The following IFT80 variants were observed in gnomAD, a reference collection of about 807,000 sequenced individuals.
The protein encoded by IFT80 is intraflagellar transport 80.
IFT80 carries 79 observed loss-of-function variants against 107.9 expected under a neutral mutation model. The ratio of observed to expected loss-of-function variants is 0.73; its 90% CI spans 0.61 to 0.88. IFT80 has a LOEUF of 0.88. Among genes scored for constraint, IFT80 ranks in the 40% least tolerant of loss-of-function variants. IFT80 has a pLI of 0.00. For missense variants in IFT80, 797 were observed against 914.2 expected (o/e 0.87, Z 1.65); for synonymous variants, 299 against 300.9 (o/e 0.99, Z 0.07).
At chr3:160,364,461 A>T (rs1721718848) in intron 6 of IFT80, among the ~76,000 whole-genome samples, 1 of 152,214 alleles carries the variant, frequency 6.6e-6, no homozygotes, top group Non-Finnish European at 1.5e-5. Flanking sequence ...TCAAGGATGT[A>T]GAACTAGAAA....
chr3:160,297,969 G>A lies in IFT80; in HGVS notation c.1315+2914C>T, dbSNP rs80173579. Among the ~76,000 whole-genome samples, 552 of 152,176 alleles carry A rather than the reference G, an allele frequency of 3.6e-3. 3 individuals are homozygous for A. The highest frequency in any genetic ancestry group is 0.013 in the African/African-American group (535 of 41,542). ...TTGAAATAGTTGCTTCGAAACATGA[G>A]TAACTACTCCCCAACTTCCAGACAT... On this transcript the variant is annotated intron_variant, in intron 12 of 19. Coordinates refer to ENST00000326448, the MANE Select transcript of IFT80 (RefSeq NM_020800.3).
chr3:160,274,538 G>C (rs571630802), intron 18 of IFT80: 1 of 152,212 alleles, frequency 6.6e-6, no homozygotes, highest in African/African-American at 2.4e-5. Flanking sequence ...ACTATGTATA[G>C]ATAATGTGAA....
chr3:160,379,594 G>C (rs556268011), intron 3 of IFT80, among the ~76,000 whole-genome samples: 1 of 152,252 alleles, frequency 6.6e-6, no homozygotes, highest in African/African-American at 2.4e-5. Context: ...AAGAAACAGA[G>C]CCAATACTTT....
chr3:160,259,465 A>C (rs1421479355), intron 19 of IFT80, among the ~76,000 whole-genome samples: 1 of 152,216 alleles, frequency 6.6e-6, no homozygotes, highest in African/African-American at 2.4e-5. Context: ...GCTTCCCCTA[A>C]GCATATTCTG....
At chr3:160,309,125 A>G (rs924577541) in intron 9 of IFT80, among the ~76,000 whole-genome samples, 4 of 152,186 alleles carry the variant, frequency 2.6e-5, no homozygotes, top group African/African-American at 7.2e-5. Context: ...TCTTTTTACT[A>G]TCTGCTCTCT....
intron 19 of IFT80, among the ~76,000 whole-genome samples, chr3:160,266,971 T>G (rs76467232): frequency 0.012 from 1,885 of 152,182 alleles, 41 homozygotes; most frequent in African/African-American, 0.042. Context: ...GATGCTGTGT[T>G]TGTCCTAATA....
chr3:160,341,604 TA>T lies in IFT80; in HGVS notation c.777+14408del, dbSNP rs1015661563. 6.0e-4 allele frequency among the ~76,000 whole-genome samples: 91 copies of T among 152,174 alleles called. 2 individuals carry two copies. Among genetic ancestry groups the T allele is most frequent in the Admixed American group, 5.2e-3 (80 of 15,270 alleles). ...GTGATCCCTTCCCTGAGGGAGCGTT[TA>T]AAATTGGGACTAAGATTCTTGTCTC... On this transcript the variant is annotated intron_variant, in intron 8 of 19. Coordinates refer to ENST00000326448, the MANE Select transcript of IFT80 (RefSeq NM_020800.3).
At chr3:160,289,471 G>A (rs979492900) in intron 12 of IFT80, among the ~76,000 whole-genome samples, 1 of 152,100 alleles carries the variant, frequency 6.6e-6, no homozygotes, top group Non-Finnish European at 1.5e-5. Context: ...TTATTTGGTT[G>A]TTTTTTAAAG....
At chr3:160,280,947 T>A in intron 14 of IFT80, 133 bp from the exon 15 acceptor site, 1 of 768,006 alleles carries the variant, frequency 1.3e-6, no homozygotes, top group Non-Finnish European at 2.2e-6. Context: ...GATTCTATAA[T>A]GGTGAAAAAC....
rs1712530752 is a variant in IFT80, at chr3:160,381,676, T to C, written c.86A>G (p.Tyr29Cys). Reference sequence around the variant, plus strand: ...TATCTGGTGATCATCACTACATGAATACAGCTCTTCAGCAGTAGTCCAGCC... The same window carrying C: ...TATCTGGTGATCATCACTACATGAACACAGCTCTTCAGCAGTAGTCCAGCC... ...CVGWTTAEEL[Y>C]SCSDDHQIVK... Residue 29 changes from tyrosine to cysteine, a missense_variant, in exon 3 of 20, where the codon TAT (tyrosine) becomes TGT (cysteine). Tyr to Cys is a radical substitution (Grantham distance 194, BLOSUM62 -2). Transcript: ENST00000326448. The C allele has an allele frequency of 1.9e-6, 3 of 1,612,250 alleles. No individual in the cohort carries two copies. Among genetic ancestry groups the C allele is most frequent in the Non-Finnish European group, 2.5e-6 (3 of 1,179,946 alleles).
At chr3:160,325,267 T>C (rs1292197794) in intron 8 of IFT80, among the ~76,000 whole-genome samples, 1 of 152,034 alleles carries the variant, frequency 6.6e-6, no homozygotes, top group Admixed American at 6.6e-5. Flanking sequence ...CTTCACAGAA[T>C]TGGAAAAAAC....
intron 5 of IFT80, among the ~76,000 whole-genome samples, chr3:160,369,147 A>G (rs975423732): frequency 6.6e-6 from 1 of 152,048 alleles, no homozygotes; most frequent in African/African-American, 2.4e-5. Context: ...CTTATAAAAC[A>G]AATTTGTAAA....
chr3:160,279,398 T>C (rs1714514346), intron 15 of IFT80, 34 bp from the exon 16 acceptor site: 4 of 1,587,980 alleles, frequency 2.5e-6, no homozygotes, highest in African/African-American at 2.7e-5. Context: ...CAATTTAAAG[T>C]TGTATTCTGA....
rs575082076 is a variant in IFT80 at position 160,298,651 on chromosome 3, A to G, written c.1315+2232T>C. Among the ~76,000 whole-genome samples the G allele has an allele frequency of 2.6e-5, 4 of 152,310 alleles. No homozygotes were observed. The South Asian group carries it at 8.3e-4, about 32-fold the overall frequency. On this transcript the variant is annotated intron_variant, in intron 12 of 19. Transcript: ENST00000326448. ...CACATATACTGCCATGCCTTGCTCA[A>G]TGATGGTGATATGTTCTGAGAAATG...
At chr3:160,382,757 A>T (rs543722715) in intron 2 of IFT80, among the ~76,000 whole-genome samples, 3 of 152,216 alleles carry the variant, frequency 2.0e-5, no homozygotes, top group Non-Finnish European at 4.4e-5. Flanking sequence ...GCAATAATAC[A>T]ATTGCTTTTT....
intron 6 of IFT80, among the ~76,000 whole-genome samples, chr3:160,363,881 G>C (rs1019614634): frequency 2.0e-5 from 3 of 152,126 alleles, no homozygotes; most frequent in African/African-American, 7.2e-5. Flanking sequence ...AGTCTTAAAT[G>C]TTAGACCTAA....
At chr3:160,285,109 C>T (rs1037259507) in intron 13 of IFT80, among the ~76,000 whole-genome samples, 2 of 151,962 alleles carry the variant, frequency 1.3e-5, no homozygotes, top group Admixed American at 6.6e-5. Context: ...GGGTCTGAGG[C>T]GAGTGGATTG....
intron 5 of IFT80, chr3:160,373,604 A>T (rs1174240295): frequency 6.1e-6 from 1 of 164,320 alleles, no homozygotes; most frequent in Non-Finnish European, 1.3e-5. Flanking sequence ...TGAAATAATT[A>T]TACAACTCAC....
chr3:160,329,276 C>A (rs1718908935), intron 8 of IFT80, among the ~76,000 whole-genome samples: 3 of 152,104 alleles, frequency 2.0e-5, no homozygotes, highest in East Asian at 1.9e-4. Flanking sequence ...CACTCTAATT[C>A]TCTTCTCTTC....
Sources: gnomAD v4.1 joint callset for allele counts (sites outside exome capture counted in the v4.1 genomes callset) on GRCh38, gnomAD v4.1.1 for gene constraint, MANE v1.5 for transcripts, NCBI Gene and HGNC (gene_info 2026-07-23, HGNC 2026-07-21) for gene names.